The following UNC5B variants were observed in gnomAD, a reference collection of about 807,000 sequenced individuals.
UNC5B encodes netrin receptor UNC5B.
UNC5B carries 56 observed loss-of-function variants against 103.7 expected under a neutral mutation model. That is an observed-to-expected ratio of 0.54 (90% CI 0.44 to 0.67). The LOEUF (loss-of-function observed/expected upper bound fraction) is 0.67, where lower values mean the gene tolerates loss of function less well. UNC5B is among the 30% of genes least tolerant of loss of function. UNC5B has a pLI of 0.00. For missense variants in UNC5B, 1,194 were observed against 1,284.5 expected (o/e 0.93, Z 1.08); for synonymous variants, 577 against 542.0 (o/e 1.06, Z -0.90).
chr10:71,286,422 G>A (rs533827744), intron 4 of UNC5B, among the ~76,000 whole-genome samples: 11 of 152,292 alleles, frequency 7.2e-5, no homozygotes, highest in Admixed American at 2.0e-4. Flanking sequence ...TAATCCTCGC[G>A]ATGGATCCCT....
At chr10:71,257,166 G>T (rs1844309770) in intron 1 of UNC5B, among the ~76,000 whole-genome samples, 1 of 152,138 alleles carries the variant, frequency 6.6e-6, no homozygotes, top group African/African-American at 2.4e-5. Context: ...GCTTCCTGGG[G>T]CTCTGCTGGG....
intron 1 of UNC5B, among the ~76,000 whole-genome samples, chr10:71,235,679 C>T (rs1176516769): frequency 6.6e-6 from 1 of 152,212 alleles, no homozygotes; most frequent in Non-Finnish European, 1.5e-5. Flanking sequence ...CAGCCTCCAG[C>T]CCTGAGGACT....
At chr10:71,216,266 A>G (rs1208306376) in intron 1 of UNC5B, among the ~76,000 whole-genome samples, 1 of 152,238 alleles carries the variant, frequency 6.6e-6, no homozygotes, top group Non-Finnish European at 1.5e-5. Flanking sequence ...AGACTCTGAA[A>G]TTGAGGCACC....
chr10:71,252,511 A>G (rs1402714531), intron 1 of UNC5B, among the ~76,000 whole-genome samples: 3 of 152,234 alleles, frequency 2.0e-5, no homozygotes, highest in Non-Finnish European at 2.9e-5. Flanking sequence ...CAAAAGAGGA[A>G]AGAAACCTGG....
chr10:71,238,066 C>T (rs1452677669), intron 1 of UNC5B, among the ~76,000 whole-genome samples: 1 of 152,224 alleles, frequency 6.6e-6, no homozygotes, highest in Non-Finnish European at 1.5e-5. Context: ...CAGCCTGTAA[C>T]TCCCTCAGGC....
At chr10:71,220,669 A>G (rs2132237202) in intron 1 of UNC5B, among the ~76,000 whole-genome samples, 1 of 152,268 alleles carries the variant, frequency 6.6e-6, no homozygotes, top group East Asian at 1.9e-4. Flanking sequence ...AATTGCCTTG[A>G]GAGTCTCATG....
chr10:71,289,110 C>G, intron 8 of UNC5B, 120 bp downstream of exon 8: 1 of 1,328,540 alleles, frequency 7.5e-7, no homozygotes, highest in South Asian at 1.3e-5. Context: ...CCACCCCCCA[C>G]GGGATCATCT....
At chr10:71,293,288 A>C in intron 11 of UNC5B, 117 bp from the exon 12 acceptor site, 1 of 1,176,676 alleles carries the variant, frequency 8.5e-7, no homozygotes, top group Non-Finnish European at 1.2e-6. Context: ...CAGAGCCCTG[A>C]GTGGCAAAGA....
chr10:71,278,861 T>TCATTTGG (rs1844839723), intron 1 of UNC5B, among the ~76,000 whole-genome samples: 1 of 152,388 alleles, frequency 6.6e-6, no homozygotes, highest in South Asian at 2.1e-4. Context: ...AGCCACCTGA[T>TCATTTGG]CATTTGGCAT....
chr10:71,284,929 G>C lies in UNC5B; in HGVS notation c.448+66G>C. ...TCCCCATCCCTGAGGATGCTGGAGAGGGAACTTCACATCTGTGGGGCCTCC... is the reference window on the plus strand; with the variant it reads ...TCCCCATCCCTGAGGATGCTGGAGACGGAACTTCACATCTGTGGGGCCTCC... On this transcript the variant is annotated intron_variant, in intron 3 of 16. Transcript: ENST00000335350. The C allele has an allele frequency of 2.6e-6, 4 of 1,525,492 alleles. No homozygotes were observed. In the African/African-American group the frequency reaches 5.5e-5, roughly 21 times the overall value. The allele number at this position is 1,525,492 out of a possible 1,614,324, so 94.5% of individuals were successfully genotyped here.
chr10:71,251,775 G>A (rs988429490), intron 1 of UNC5B, among the ~76,000 whole-genome samples: 3 of 152,198 alleles, frequency 2.0e-5, no homozygotes, highest in Non-Finnish European at 4.4e-5. Context: ...GAGAGTCTCA[G>A]TGCCACAGGC....
intron 1 of UNC5B, among the ~76,000 whole-genome samples, chr10:71,274,192 C>T (rs1437148572): frequency 6.6e-6 from 1 of 151,222 alleles, no homozygotes; most frequent in Non-Finnish European, 1.5e-5. Context: ...GAAACCCTGT[C>T]TCTACTAAAA....
At position 71,222,056 on chromosome 10, in the gene UNC5B, G is replaced by A. The variant is rs146659065; in HGVS notation, c.79+8992G>A. Among the ~76,000 whole-genome samples the A allele has an allele frequency of 2.0e-5, 3 of 152,302 alleles. No individual in the cohort carries two copies. In the East Asian group the frequency reaches 5.8e-4, roughly 29 times the overall value. ...TGTATTGCGTGGAACGAAGGGAAAT[G>A]TCTGGATGTTGAGAGGAAGAAGCTC... On this transcript the variant is annotated intron_variant, in intron 1 of 16. Transcript: ENST00000335350.
chr10:71,291,934 G>A, intron 10 of UNC5B, 113 bp downstream of exon 10: 1 of 1,409,162 alleles, frequency 7.1e-7, no homozygotes, highest in Non-Finnish European at 9.3e-7. Flanking sequence ...TCACAGATGG[G>A]GAAAGGGAGG....
rs1845157583 is a variant in UNC5B at position 71,288,645 on chromosome 10, A to G, written c.979A>G (p.Met327Val). ...ECAHWRSREC[M>V]APPPQNGGRD... ...TGCCCACTGGCGTAGCCGCGAGTGC[A>G]TGGCGCCCCCACCCCAGAACGGAGG... Residue 327 changes from methionine (M) to valine (V), a missense_variant, in exon 7 of 17, where the codon ATG becomes GTG. Physicochemically the swap from Met to Val is conservative, Grantham distance 21. Coordinates refer to ENST00000335350, the MANE Select transcript of UNC5B (RefSeq NM_170744.5). The G allele has an allele frequency of 6.2e-7, 1 of 1,613,810 alleles. No homozygotes were observed.
At chr10:71,231,230 C>T (rs1301525577) in intron 1 of UNC5B, among the ~76,000 whole-genome samples, 1 of 152,232 alleles carries the variant, frequency 6.6e-6, no homozygotes, top group Non-Finnish European at 1.5e-5. Flanking sequence ...CCAAGCATTT[C>T]CTGCTGGGCA....
Position 71,291,763 on chromosome 10 carries a change from G to C in UNC5B, c.1626G>C (p.Gly542=), listed in dbSNP as rs1213456761. The C allele has an allele frequency of 1.2e-6, 2 of 1,609,310 alleles. No homozygotes were observed. The highest frequency in any genetic ancestry group is 1.7e-6 in the Non-Finnish European group (2 of 1,179,824). The change falls in exon 10 of 17, where the codon GGG becomes GGC. Residue 542 remains glycine (G), a synonymous_variant. Transcript: ENST00000335350. Reference sequence around the variant, plus strand: ...TCTTGGGCCTGCCCCGAGACCCAGGGAGCAGCGTCAGCGGCACCTTTGGCT... The same window carrying C: ...TCTTGGGCCTGCCCCGAGACCCAGGCAGCAGCGTCAGCGGCACCTTTGGCT... ...QQLLGLPRDP[G]SSVSGTFGCL...
chr10:71,228,384 C>CA (rs58283911), intron 1 of UNC5B, among the ~76,000 whole-genome samples: 6,460 of 142,502 alleles, frequency 0.045, 199 homozygotes, highest in East Asian at 0.19. Flanking sequence ...AAATTTTCGA[C>CA]AAAAAAAAAA....
chr10:71,295,781 G>A (rs866886639), intron 13 of UNC5B, 30 bp from the exon 14 acceptor site: 4 of 1,604,192 alleles, frequency 2.5e-6, no homozygotes, highest in Non-Finnish European at 3.4e-6. Context: ...GGTGTGATGG[G>A]TTCCCCTTCC....
Sources: gnomAD v4.1 joint callset for allele counts (sites outside exome capture counted in the v4.1 genomes callset) on GRCh38, gnomAD v4.1.1 for gene constraint, MANE v1.5 for transcripts, NCBI Gene and HGNC (gene_info 2026-07-23, HGNC 2026-07-21) for gene names.